The following HSP90AA1 variants were observed in gnomAD, a reference collection of about 807,000 sequenced individuals.
HSP90AA1 encodes heat shock protein HSP 90-alpha.
Under a neutral mutation model 73.3 loss-of-function variants are expected in HSP90AA1, and 18 were observed. That is an observed-to-expected ratio of 0.25 (90% CI 0.17 to 0.36). The LOEUF is 0.36. HSP90AA1 is among the 10% of genes least tolerant of loss of function. HSP90AA1 has a pLI of 1.00. For synonymous variants in HSP90AA1, 477 were observed against 296.9 expected (o/e 1.61, Z -6.24); for missense variants, 704 against 874.2 (o/e 0.81, Z 2.45).
chr14:102,081,396 A>AC lies in HSP90AA1; in HGVS notation c.*315dup, dbSNP rs1220981865. ...ACACTTCAATAACAAGATTTGGTCT[A>AC]CTTAGGCATCCGGCTTGACAGCTAA... On this transcript the variant is annotated 3_prime_UTR_variant, in exon 11 of 11. Transcript: ENST00000216281. The AC allele has an allele frequency of 4.3e-6, 2 of 465,342 alleles. No individual in the cohort carries two copies. Among genetic ancestry groups the AC allele is most frequent in the African/African-American group, 3.9e-5 (2 of 51,716 alleles). 28.8% of individuals were successfully genotyped at this position (465,342 alleles called of 1,614,324 possible). A position where few individuals can be genotyped will look rare whatever the true frequency, so the allele number is the denominator to read the frequency against.
chr14:102,105,415 C>T (rs114961003), intron 1 of HSP90AA1, among the ~76,000 whole-genome samples: 222 of 151,976 alleles, frequency 1.5e-3, no homozygotes, highest in African/African-American at 4.7e-3. Context: ...ACAGTGAGGA[C>T]GAGAAAAGGC....
chr14:102,083,746 A>C (rs1423590721), intron 7 of HSP90AA1, 47 bp downstream of exon 7: 7 of 1,596,806 alleles, frequency 4.4e-6, no homozygotes, highest in African/African-American at 1.4e-5. Flanking sequence ...AAAAAAAAAA[A>C]AAAACTAAAG....
chr14:102,138,041 C>T (rs2050059002), intron 1 of HSP90AA1, among the ~76,000 whole-genome samples: 1 of 151,174 alleles, frequency 6.6e-6, no homozygotes, highest in Non-Finnish European at 1.5e-5. Context: ...AAACCAAAGG[C>T]TATGCATGAG....
At chr14:102,082,594 AGCACAGGTTATAATTTCATGTTTTACAT>A (rs1444175814) in intron 9 of HSP90AA1, 150 bp from the exon 10 acceptor site, 4 of 671,982 alleles carry the variant, frequency 6.0e-6, no homozygotes, top group Non-Finnish European at 1.0e-5. Flanking sequence ...GTATCCAAAG[AGCACAGGTTATAATTTCATGTTTTACAT>A]GCACAATTTT....
intron 1 of HSP90AA1, among the ~76,000 whole-genome samples, chr14:102,110,713 C>T (rs555529923): frequency 2.7e-5 from 4 of 149,854 alleles, no homozygotes; most frequent in African/African-American, 4.8e-5. Flanking sequence ...CCGAGCAGCT[C>T]GGACTACAGG....
At chr14:102,089,343 C>G (rs1314267478), upstream of HSP90AA1, among the ~76,000 whole-genome samples, 2 of 152,216 alleles carry the variant, frequency 1.3e-5, no homozygotes, top group Non-Finnish European at 2.9e-5. Flanking sequence ...TCCCGTCAGG[C>G]CCCATCTTTA....
chr14:102,099,698 G>A (rs1032144139), intron 2 of HSP90AA1, among the ~76,000 whole-genome samples: 4 of 152,182 alleles, frequency 2.6e-5, no homozygotes, highest in Non-Finnish European at 5.9e-5. Flanking sequence ...TCTGCTTTAC[G>A]AAGGCCAGTG....
At chr14:102,089,684 C>T (rs1460711991), upstream of HSP90AA1, among the ~76,000 whole-genome samples, 2 of 152,100 alleles carry the variant, frequency 1.3e-5, no homozygotes, top group African/African-American at 4.8e-5. Context: ...GGATGCTGAG[C>T]CTCATGAGCT....
upstream of HSP90AA1, among the ~76,000 whole-genome samples, chr14:102,089,718 T>G (rs2049327865): frequency 6.6e-6 from 1 of 152,136 alleles, no homozygotes; most frequent in African/African-American, 2.4e-5. Flanking sequence ...CAGCCCTCTT[T>G]GAGGGCTCGT....
At chr14:102,117,508 C>T (rs969263315) in intron 1 of HSP90AA1, among the ~76,000 whole-genome samples, 1 of 151,338 alleles carries the variant, frequency 6.6e-6, no homozygotes, top group Non-Finnish European at 1.5e-5. Context: ...AAACACTCCT[C>T]GGGATGACCT....
At chr14:102,094,546 G>T (rs750253732) in intron 2 of HSP90AA1, among the ~76,000 whole-genome samples, 8 of 152,208 alleles carry the variant, frequency 5.3e-5, no homozygotes, top group Non-Finnish European at 1.2e-4. Flanking sequence ...AGGGCATGCA[G>T]GAGAGGGAGG....
rs1483190440 is a variant in HSP90AA1 at position 102,081,930 on chromosome 14, G to A, written c.2090-109C>T. ...CAAGACAGTATTACAGGACATATGAGTCTCAATTTCATTTCTTTGCTCTTG... is the reference window on the plus strand; with the variant it reads ...CAAGACAGTATTACAGGACATATGAATCTCAATTTCATTTCTTTGCTCTTG... On this transcript the variant is annotated intron_variant, in intron 10 of 10. Coordinates refer to ENST00000216281, the MANE Select transcript of HSP90AA1 (RefSeq NM_005348.4). 5 of 786,822 alleles carry A rather than the reference G, an allele frequency of 6.4e-6. 1 individual carries two copies. Among genetic ancestry groups the A allele is most frequent in the East Asian group, 4.9e-5 (2 of 40,666 alleles). The allele number at this position is 786,822 out of a possible 1,614,324, so 48.7% of individuals were successfully genotyped here.
At chr14:102,089,720 A>C (rs1159731665), upstream of HSP90AA1, among the ~76,000 whole-genome samples, 2 of 152,034 alleles carry the variant, frequency 1.3e-5, no homozygotes, top group Non-Finnish European at 2.9e-5. Context: ...GCCCTCTTTG[A>C]GGGCTCGTTA....
At chr14:102,134,104 T>C (rs1185727026) in intron 1 of HSP90AA1, among the ~76,000 whole-genome samples, 1 of 150,576 alleles carries the variant, frequency 6.6e-6, no homozygotes, top group East Asian at 2.0e-4. Flanking sequence ...TGAGCCGAGA[T>C]TACGCCACTG....
intron 1 of HSP90AA1, among the ~76,000 whole-genome samples, chr14:102,126,756 CTGACCTCG>C (rs1171705940): frequency 6.6e-6 from 1 of 152,190 alleles, no homozygotes; most frequent in Middle Eastern, 3.2e-3. Context: ...TCTCGATCTC[CTGACCTCG>C]TGATCTGCCC....
chr14:102,133,375 G>C (rs939913056), intron 1 of HSP90AA1, among the ~76,000 whole-genome samples: 2 of 152,130 alleles, frequency 1.3e-5, no homozygotes, highest in African/African-American at 4.8e-5. Flanking sequence ...CACAATTATA[G>C]GGAGTTCAAA....
upstream of HSP90AA1, among the ~76,000 whole-genome samples, chr14:102,088,298 T>A (rs1358719478): frequency 6.6e-6 from 1 of 152,186 alleles, no homozygotes; most frequent in Non-Finnish European, 1.5e-5. Flanking sequence ...GTCCTCTTCC[T>A]CTTTGTCTCT....
At chr14:102,085,507 G>T in intron 3 of HSP90AA1, 76 bp from the exon 4 acceptor site, 3 of 1,417,918 alleles carry the variant, frequency 2.1e-6, no homozygotes, top group Non-Finnish European at 3.0e-6. Flanking sequence ...CCCTTATAAC[G>T]TGTCTATAAA....
chr14:102,128,628 C>CA (rs1555364427), intron 1 of HSP90AA1, among the ~76,000 whole-genome samples: 9 of 63,104 alleles, frequency 1.4e-4, no homozygotes, highest in Admixed American at 1.2e-3. Context: ...AACTCCGTCT[C>CA]GGAAAAAAAA....
Sources: gnomAD v4.1 joint callset for allele counts (sites outside exome capture counted in the v4.1 genomes callset) on GRCh38, gnomAD v4.1.1 for gene constraint, MANE v1.5 for transcripts, NCBI Gene and HGNC (gene_info 2026-07-23, HGNC 2026-07-21) for gene names.